The following PDZRN4 variants were observed in gnomAD, a reference collection of about 807,000 sequenced individuals.
PDZRN4 encodes the protein PDZ domain-containing RING finger protein 4.
In PDZRN4, 70 loss-of-function variants were observed where a neutral mutation model predicts 99.0. That is an observed-to-expected ratio of 0.71 (90% CI 0.58 to 0.86). PDZRN4 has a LOEUF of 0.86. Ranked by LOEUF, PDZRN4 falls within the 40% of genes least tolerant of loss-of-function variation. The pLI, the probability that PDZRN4 is intolerant of heterozygous loss-of-function variation, is 0.00. For synonymous variants in PDZRN4, 551 were observed against 501.6 expected (o/e 1.10, Z -1.32); for missense variants, 1,474 against 1,331.2 (o/e 1.11, Z -1.67).
At chr12:41,230,788 G>A (rs985108702) in intron 3 of PDZRN4, among the ~76,000 whole-genome samples, 1 of 151,920 alleles carries the variant, frequency 6.6e-6, no homozygotes, top group African/African-American at 2.4e-5. Context: ...ATAGATTTTT[G>A]TCTTTCATTT....
At chr12:41,449,381 C>T (rs1386442669) in intron 3 of PDZRN4, among the ~76,000 whole-genome samples, 2 of 152,186 alleles carry the variant, frequency 1.3e-5, no homozygotes, top group Non-Finnish European at 2.9e-5. Flanking sequence ...TCAATCTCTG[C>T]ATCCTCAGCC....
intron 3 of PDZRN4, among the ~76,000 whole-genome samples, chr12:41,440,812 T>C (rs1314471136): frequency 6.6e-6 from 1 of 152,170 alleles, no homozygotes; most frequent in Non-Finnish European, 1.5e-5. Context: ...TTTATTTTAT[T>C]CAAAGTAAGT....
chr12:41,294,157 A>G (rs1473849266), intron 3 of PDZRN4, among the ~76,000 whole-genome samples: 4 of 152,138 alleles, frequency 2.6e-5, no homozygotes, highest in South Asian at 4.1e-4. Flanking sequence ...CTTTCATGCC[A>G]TTGAAATGTC....
chr12:41,286,336 C>CTTTTTTT (rs71081721), intron 3 of PDZRN4, among the ~76,000 whole-genome samples: 499 of 106,090 alleles, frequency 4.7e-3, no homozygotes, highest in Non-Finnish European at 5.4e-3. Flanking sequence ...CCTTCTTCTT[C>CTTTTTTT]TTTTTTTTTT....
chr12:41,291,345 A>C (rs1310395839), intron 3 of PDZRN4, among the ~76,000 whole-genome samples: 1 of 152,120 alleles, frequency 6.6e-6, no homozygotes, highest in East Asian at 1.9e-4. Context: ...GCTTAGGTGA[A>C]GGCCTTCGTG....
intron 3 of PDZRN4, among the ~76,000 whole-genome samples, chr12:41,473,011 C>T (rs1021996745): frequency 9.2e-5 from 14 of 152,054 alleles, no homozygotes; most frequent in Non-Finnish European, 2.1e-4. Flanking sequence ...GGATAGAATG[C>T]AAATACACTT....
chr12:41,554,935 G>T (rs1023088279), intron 6 of PDZRN4, among the ~76,000 whole-genome samples: 1 of 151,512 alleles, frequency 6.6e-6, no homozygotes, highest in Non-Finnish European at 1.5e-5. Context: ...TGGGCCGGAC[G>T]CGGTGGCTCA....
intron 3 of PDZRN4, among the ~76,000 whole-genome samples, chr12:41,290,509 A>G (rs796347223): frequency 2.4e-4 from 37 of 152,244 alleles, no homozygotes; most frequent in African/African-American, 8.4e-4. Flanking sequence ...AAAAAAAATC[A>G]CCCTTCAGGA....
intron 3 of PDZRN4, among the ~76,000 whole-genome samples, chr12:41,254,726 G>A (rs1951192735): frequency 6.6e-6 from 1 of 152,206 alleles, no homozygotes; most frequent in African/African-American, 2.4e-5. Context: ...TCACAGTGCT[G>A]TAAGACCACA....
intron 3 of PDZRN4, among the ~76,000 whole-genome samples, chr12:41,274,855 A>C (rs1377483981): frequency 6.6e-6 from 1 of 152,164 alleles, no homozygotes; most frequent in African/African-American, 2.4e-5. Flanking sequence ...TGGACTCGCC[A>C]TTAGGGAAAT....
At chr12:41,411,061 A>ATT (rs1382265660) in intron 3 of PDZRN4, among the ~76,000 whole-genome samples, 1 of 123,230 alleles carries the variant, frequency 8.1e-6, no homozygotes, top group Non-Finnish European at 1.7e-5. Context: ...ATATATATAT[A>ATT]TATATATTTT....
intron 7 of PDZRN4, among the ~76,000 whole-genome samples, chr12:41,562,862 A>G (rs1386389593): frequency 1.3e-5 from 2 of 152,144 alleles, no homozygotes; most frequent in Non-Finnish European, 2.9e-5. Flanking sequence ...ACTCTATGTT[A>G]ATATTTTTTA....
chr12:41,547,961 T>C (rs2120786597), intron 5 of PDZRN4, among the ~76,000 whole-genome samples: 1 of 152,294 alleles, frequency 6.6e-6, no homozygotes, highest in South Asian at 2.1e-4. Flanking sequence ...AATGGGAAAT[T>C]GGAGGTTAAA....
rs1256041427 is a variant in PDZRN4, at chr12:41,402,258, GTATATATATATA to G, written c.844-104193_844-104182del. ...ATACATATATATATACACACACTGA[GTATATATATATA>G]TATACACACTGTGTATATATATATA... is the stretch of plus-strand genomic sequence containing the variant. On this transcript the variant is annotated intron_variant, in intron 3 of 9. Coordinates refer to ENST00000402685, the MANE Select transcript of PDZRN4 (RefSeq NM_001164595.2). 9.7e-5 allele frequency among the ~76,000 whole-genome samples: 2 copies of G among 20,666 alleles called. 1 individual carries two copies. The highest frequency in any genetic ancestry group is 1.7e-4 in the Non-Finnish European group (2 of 11,924). 13.6% of individuals were successfully genotyped at this position (20,666 alleles called of 152,430 possible). A position where few individuals can be genotyped will look rare whatever the true frequency, so the allele number is the denominator to read the frequency against.
chr12:41,382,329 T>C (rs1952133864), intron 3 of PDZRN4, among the ~76,000 whole-genome samples: 1 of 152,140 alleles, frequency 6.6e-6, no homozygotes. Context: ...CTCTGCCCTG[T>C]GTTTGGGTAT....
chr12:41,383,575 T>C (rs1170017977), intron 3 of PDZRN4, among the ~76,000 whole-genome samples: 1 of 152,202 alleles, frequency 6.6e-6, no homozygotes, highest in Non-Finnish European at 1.5e-5. Context: ...GCAGAATCAG[T>C]TAGAAAACCC....
chr12:41,477,767 C>T (rs1937616883), intron 3 of PDZRN4: 1 of 733,474 alleles, frequency 1.4e-6, no homozygotes, highest in East Asian at 2.7e-5. Flanking sequence ...CTAGAATAAA[C>T]ATGACATTAT....
intron 3 of PDZRN4, among the ~76,000 whole-genome samples, chr12:41,229,655 C>T (rs1036926567): frequency 6.6e-6 from 1 of 152,090 alleles, no homozygotes; most frequent in African/African-American, 2.4e-5. Flanking sequence ...TGACCTCTGG[C>T]ACCATTGGAT....
chr12:41,336,037 G>A (rs1041200157), intron 3 of PDZRN4, among the ~76,000 whole-genome samples: 1 of 152,074 alleles, frequency 6.6e-6, no homozygotes, highest in African/African-American at 2.4e-5. Context: ...CTAGGTTTAT[G>A]TATGTATATG....
Sources: allele counts gnomAD v4.1 joint callset (sites outside exome capture counted in the v4.1 genomes callset), GRCh38; gene constraint gnomAD v4.1.1; transcripts MANE v1.5; gene names NCBI Gene and HGNC (gene_info 2026-07-23, HGNC 2026-07-21).